PARD3: variants seen among roughly 807,000 people sequenced by gnomAD.
PARD3 encodes partitioning defective 3 homolog.
A neutral mutation model predicts 155.4 loss-of-function variants in PARD3; 75 were observed. The ratio of observed to expected loss-of-function variants is 0.48; its 90% CI spans 0.40 to 0.58. The LOEUF (loss-of-function observed/expected upper bound fraction) is 0.58, where lower values mean the gene tolerates loss of function less well. Among genes scored for constraint, PARD3 ranks in the 20% least tolerant of loss-of-function variants. The pLI, the probability that PARD3 is intolerant of heterozygous loss-of-function variation, is 0.00. For synonymous variants in PARD3, 576 were observed against 610.5 expected, an observed-to-expected ratio of 0.94 and a Z score of 0.83; for missense variants, 1,642 against 1,721.7, an observed-to-expected ratio of 0.95 and a Z score of 0.82.
At chr10:34,418,947 T>C (rs1159921539) in intron 5 of PARD3, among the ~76,000 whole-genome samples, 2 of 151,982 alleles carry the variant, frequency 1.3e-5, no homozygotes, top group Admixed American at 6.5e-5. Context: ...ATTTTTGTAT[T>C]TTCTGCAGGG....
intron 2 of PARD3, among the ~76,000 whole-genome samples, chr10:34,608,741 C>T (rs1204081911): frequency 3.3e-5 from 5 of 151,994 alleles, no homozygotes; most frequent in Non-Finnish European, 7.4e-5. Context: ...TCCATGTTGG[C>T]CAAGCTGGTC....
At chr10:34,343,207 C>T (rs767387226) in intron 15 of PARD3, 18 of 488,368 alleles carry the variant, frequency 3.7e-5, no homozygotes, top group Non-Finnish European at 4.2e-5. Context: ...TCACCACTGA[C>T]GAGGCATGTC....
Position 34,557,829 on chromosome 10 carries a change from G to A in PARD3, c.223-40670C>T, listed in dbSNP as rs565440116. ...TACATCTATAGTCCCAGCTACTTGGGAGGCTAAGGTGGGAGGACTGCTTGA... is the reference window on the plus strand; with the variant it reads ...TACATCTATAGTCCCAGCTACTTGGAAGGCTAAGGTGGGAGGACTGCTTGA... On this transcript the variant is annotated intron_variant, in intron 2 of 24. Coordinates refer to ENST00000374788, the MANE Select transcript of PARD3 (RefSeq NM_001184785.2). 2.4e-4 allele frequency among the ~76,000 whole-genome samples: 37 copies of A among 151,954 alleles called. No individual in the cohort carries two copies. The Middle Eastern group carries it at 0.01, about 42-fold the overall frequency.
At chr10:34,271,587 T>G (rs1370588986) in intron 21 of PARD3, among the ~76,000 whole-genome samples, 1 of 152,128 alleles carries the variant, frequency 6.6e-6, no homozygotes, top group Non-Finnish European at 1.5e-5. Context: ...AACCGACAGG[T>G]TCCCTCATGC....
At chr10:34,464,421 ATACTT>A (rs1264636735) in intron 4 of PARD3, among the ~76,000 whole-genome samples, 1 of 152,162 alleles carries the variant, frequency 6.6e-6, no homozygotes, top group Non-Finnish European at 1.5e-5. Context: ...TAACTACTTC[ATACTT>A]TATTAGCCTA....
chr10:34,580,292 G>C (rs540310591), intron 2 of PARD3, among the ~76,000 whole-genome samples: 40 of 152,206 alleles, frequency 2.6e-4, no homozygotes, highest in African/African-American at 9.1e-4. Flanking sequence ...CCAGCATTTT[G>C]GGAGGCCAAA....
intron 1 of PARD3, among the ~76,000 whole-genome samples, chr10:34,743,495 A>G (rs1034843371): frequency 6.6e-6 from 1 of 152,158 alleles, no homozygotes; most frequent in East Asian, 1.9e-4. Flanking sequence ...CCACATCTCA[A>G]CCTCACACTT....
intron 22 of PARD3, among the ~76,000 whole-genome samples, chr10:34,195,066 C>T (rs1417173728): frequency 6.6e-6 from 1 of 152,166 alleles, no homozygotes; most frequent in Non-Finnish European, 1.5e-5. Flanking sequence ...ATCCAAATTG[C>T]TTTACTTCAC....
At chr10:34,454,023 C>T (rs2077199039) in intron 4 of PARD3, among the ~76,000 whole-genome samples, 2 of 152,184 alleles carry the variant, frequency 1.3e-5, no homozygotes. Context: ...CATATATTGA[C>T]TTATGTATAA....
intron 15 of PARD3, chr10:34,346,451 T>C (rs1194307237): frequency 1.5e-6 from 2 of 1,349,058 alleles, no homozygotes; most frequent in Admixed American, 2.0e-5. Flanking sequence ...CCTATGTTCC[T>C]ATAATAAAGG....
chr10:34,207,551 A>T (rs1016442642), intron 22 of PARD3, among the ~76,000 whole-genome samples: 2 of 152,196 alleles, frequency 1.3e-5, no homozygotes, highest in African/African-American at 4.8e-5. Context: ...CCATGGATCA[A>T]GTTTCACTCA....
At chr10:34,268,318 T>C (rs1040732266) in intron 22 of PARD3, among the ~76,000 whole-genome samples, 1 of 151,814 alleles carries the variant, frequency 6.6e-6, no homozygotes, top group Non-Finnish European at 1.5e-5. Context: ...GGAACACTTT[T>C]ACACTGTTGG....
At chr10:34,159,526 G>T (rs1949171737) in intron 22 of PARD3, among the ~76,000 whole-genome samples, 1 of 152,196 alleles carries the variant, frequency 6.6e-6, no homozygotes, top group African/African-American at 2.4e-5. Context: ...AAAATTGTGG[G>T]AGATAGGATA....
chr10:34,230,161 C>CGTT (rs1302332998), intron 22 of PARD3, among the ~76,000 whole-genome samples: 7 of 152,156 alleles, frequency 4.6e-5, no homozygotes, highest in African/African-American at 1.7e-4. Flanking sequence ...ATTGAGCAAC[C>CGTT]ACAAATCAAA....
intron 2 of PARD3, among the ~76,000 whole-genome samples, chr10:34,612,291 AAAC>A (rs2090969746): frequency 6.6e-6 from 1 of 152,188 alleles, no homozygotes; most frequent in South Asian, 2.1e-4. Flanking sequence ...TAATAATTAA[AAAC>A]AATTTTAACA....
rs1354729152 is a variant in PARD3, at chr10:34,759,244, CAG to C, written c.120+55630_120+55631del. Among the ~76,000 whole-genome samples, 9 of 151,460 alleles carry C rather than the reference CAG, an allele frequency of 5.9e-5. No homozygotes were observed. In the East Asian group the frequency reaches 1.7e-3, roughly 29 times the overall value. Reference sequence around the variant, plus strand: ...TACGGCATAGAAAACTGGCTCAGAACAGGGTATGCAACGGATTTTATTCACAC... The same window carrying C: ...TACGGCATAGAAAACTGGCTCAGAACGGTATGCAACGGATTTTATTCACAC... On this transcript the variant is annotated intron_variant, in intron 1 of 24. Transcript: ENST00000374788.
chr10:34,527,102 T>C (rs1682922174), intron 2 of PARD3, among the ~76,000 whole-genome samples: 1 of 152,198 alleles, frequency 6.6e-6, no homozygotes, highest in Non-Finnish European at 1.5e-5. Flanking sequence ...TGAGAAGCAC[T>C]AGAAAAGAAA....
intron 22 of PARD3, among the ~76,000 whole-genome samples, chr10:34,187,140 T>G (rs926491648): frequency 6.6e-6 from 1 of 151,982 alleles, no homozygotes; most frequent in African/African-American, 2.4e-5. Flanking sequence ...GTCCCAGGGG[T>G]ACATGGGGGT....
Position 34,355,956 on chromosome 10 carries a change from ACCAAAC to A in PARD3, c.2067+3185_2067+3190del, listed in dbSNP as rs1483461613. Among the ~76,000 whole-genome samples, 652 of 121,572 alleles carry A rather than the reference ACCAAAC, an allele frequency of 5.4e-3. 8 individuals carry two copies. The highest frequency in any genetic ancestry group is 0.022 in the African/African-American group (496 of 22,116). 79.8% of individuals were successfully genotyped at this position (121,572 alleles called of 152,430 possible). ...AAAAAAAAAAAAAAAACAAAACAAA[ACCAAAC>A]AAAAAAACAGACAACAGACCCAGAG... On this transcript the variant is annotated intron_variant, in intron 14 of 24. Coordinates refer to ENST00000374788, the MANE Select transcript of PARD3 (RefSeq NM_001184785.2).
Sources: allele counts gnomAD v4.1 joint callset (sites outside exome capture counted in the v4.1 genomes callset), GRCh38; gene constraint gnomAD v4.1.1; transcripts MANE v1.5; gene names NCBI Gene and HGNC (gene_info 2026-07-23, HGNC 2026-07-21).